Variants in GBF1 observed in about 807,000 individuals in gnomAD.
GBF1 encodes golgi brefeldin A resistant guanine nucleotide exchange factor 1.
A neutral mutation model predicts 210.5 loss-of-function variants in GBF1; 114 were observed. The observed-to-expected ratio is 0.54, with a 90% CI of 0.47 to 0.63. The LOEUF (loss-of-function observed/expected upper bound fraction) is 0.63, where lower values mean the gene tolerates loss of function less well. Among genes scored for constraint, GBF1 ranks in the 30% least tolerant of loss-of-function variants. The pLI, the probability that GBF1 is intolerant of heterozygous loss-of-function variation, is 0.00. For synonymous variants in GBF1, 850 were observed against 889.2 expected, an observed-to-expected ratio of 0.96 and a Z score of 0.78; for missense variants, 1,851 against 2,357.7, an observed-to-expected ratio of 0.79 and a Z score of 4.45.
intron 3 of GBF1, among the ~76,000 whole-genome samples, chr10:102,328,664 A>C (rs2057093746): frequency 6.6e-6 from 1 of 152,200 alleles, no homozygotes; most frequent in South Asian, 2.1e-4. Flanking sequence ...AAGGTTACTT[A>C]TCAGTCCTGT....
chr10:102,363,252 C>A lies in GBF1; in HGVS notation c.1877-4C>A, dbSNP rs768534465. 2 of 1,609,696 alleles carry A rather than the reference C, an allele frequency of 1.2e-6. No individual in the cohort carries two copies. Among genetic ancestry groups the A allele is most frequent in the Admixed American group, 1.7e-5 (1 of 59,752 alleles). ...TCTTCACGTATCTTCTTCTCTCTTACCAGCTGAGAGAACTGCCAGCGATGG... is the reference window on the plus strand; with the variant it reads ...TCTTCACGTATCTTCTTCTCTCTTAACAGCTGAGAGAACTGCCAGCGATGG... On this transcript the variant is annotated splice_region_variant and splice_polypyrimidine_tract_variant and intron_variant, in intron 15 of 39. Coordinates refer to ENST00000369983, the MANE Select transcript of GBF1 (RefSeq NM_001377137.1). This position sits in a 1 kb window ranked among gnomAD's most constrained non-coding sequence, Gnocchi z 4.2.
intron 1 of GBF1, among the ~76,000 whole-genome samples, chr10:102,250,964 A>G (rs1262135579): frequency 6.6e-6 from 1 of 151,286 alleles, no homozygotes; most frequent in African/African-American, 2.4e-5. Flanking sequence ...TCTCAAAACA[A>G]ACAACCAAAC....
At chr10:102,340,041 C>T (rs548747790) in intron 3 of GBF1, among the ~76,000 whole-genome samples, 11 of 150,760 alleles carry the variant, frequency 7.3e-5, no homozygotes, top group African/African-American at 2.7e-4. Flanking sequence ...GCAGCCTCTA[C>T]CTCCTGGGTT....
chr10:102,374,696 TACAC>T (rs911986170), intron 29 of GBF1, among the ~76,000 whole-genome samples: 19 of 152,158 alleles, frequency 1.2e-4, no homozygotes, highest in African/African-American at 3.9e-4. Flanking sequence ...TAGAAATTAA[TACAC>T]ACAAAAATGC....
intron 26 of GBF1, 27 bp downstream of exon 26, chr10:102,370,011 A>G (rs2060117839): frequency 2.5e-6 from 4 of 1,613,254 alleles, no homozygotes; most frequent in Non-Finnish European, 3.4e-6. Context: ...CCCTGGTGAG[A>G]AAGCCTAAAC....
intron 33 of GBF1, among the ~76,000 whole-genome samples, chr10:102,378,217 C>CAA (rs147480488): frequency 1.1e-5 from 1 of 88,220 alleles, no homozygotes; most frequent in Non-Finnish European, 2.4e-5. Context: ...GACTCCATCT[C>CAA]AAAAAAAAAA....
At chr10:102,361,254 A>T in intron 13 of GBF1, 134 bp downstream of exon 13, 1 of 648,586 alleles carries the variant, frequency 1.5e-6, no homozygotes, top group Non-Finnish European at 2.8e-6. Context: ...TTTAGCCTCC[A>T]GAGTTCGGTT....
intron 3 of GBF1, among the ~76,000 whole-genome samples, chr10:102,273,578 G>T (rs1470549892): frequency 6.6e-6 from 1 of 152,130 alleles, no homozygotes; most frequent in Non-Finnish European, 1.5e-5. Context: ...TATTTCATGG[G>T]CAAGGAGTCA....
rs753458775 is a variant in GBF1 at position 102,382,069 on chromosome 10, C to T, written c.5316C>T (p.Pro1772=). Residue 1772 remains proline, a synonymous_variant, in exon 40 of 40, where the codon CCC becomes CCT. Transcript: ENST00000369983. ...CTTTCCCTACAGACTTTGAGAAGCC[C>T]GAGAGCCCCCGAGCCGCCAGCAGCA... ...SELGACDFEK[P]ESPRAASSSS... is the part of the protein sequence containing the mutation. The T allele has an allele frequency of 3.6e-5, 56 of 1,546,980 alleles. No homozygotes were observed. The highest frequency in any genetic ancestry group is 3.2e-4 in the East Asian group (14 of 44,226).
intron 3 of GBF1, among the ~76,000 whole-genome samples, chr10:102,320,653 G>T (rs992819895): frequency 6.6e-6 from 1 of 151,992 alleles, no homozygotes; most frequent in Non-Finnish European, 1.5e-5. Flanking sequence ...CTTTTCTTCT[G>T]CTAAGAATCT....
In GBF1 at chr10:102,363,447, G is replaced by A. The variant is rs1304696888; in HGVS notation, c.2017+51G>A. The A allele has an allele frequency of 1.9e-6, 3 of 1,543,344 alleles. No homozygotes were observed. The highest frequency in any genetic ancestry group is 2.3e-5 in the East Asian group (1 of 44,330). ...AAGCTCCTCACCTGGAGGGCCTGGT[G>A]AAGAGCAGAGGGAGGGAGCAGACAC... On this transcript the variant is annotated intron_variant, in intron 16 of 39. Coordinates refer to ENST00000369983, the MANE Select transcript of GBF1 (RefSeq NM_001377137.1). This position sits in a 1 kb window ranked among gnomAD's most constrained non-coding sequence, Gnocchi z 4.2.
At chr10:102,267,485 C>T (rs964236789) in intron 3 of GBF1, among the ~76,000 whole-genome samples, 2 of 150,980 alleles carry the variant, frequency 1.3e-5, no homozygotes, top group Non-Finnish European at 3.0e-5. Context: ...GCCTGGGTGG[C>T]AGATCAAGAC....
intron 23 of GBF1, 131 bp from the exon 24 acceptor site, chr10:102,369,080 C>T: frequency 1.4e-6 from 1 of 726,728 alleles, no homozygotes; most frequent in Non-Finnish European, 2.4e-6. Context: ...AACCCACTCC[C>T]ACCAGTATTA....
In GBF1 at chr10:102,370,838, G is replaced by A. The variant is rs776641967; in HGVS notation, c.3638G>A (p.Arg1213Gln). ...CTACGCCTGGCCATTCGGCTTCTCC[G>A]GAGAGAAGAGATCAGTGCTCAGGTA... ...GLLRLAIRLL[R>Q]REEISAQVLL... The change falls in exon 29 of 40, where the codon CGG becomes CAG. Residue 1213 changes from arginine to glutamine, a missense_variant. Arg to Gln is a conservative substitution (Grantham distance 43). This residue lies in a region of GBF1 where 967 missense variants were observed against 1,247.7 expected (regional missense o/e 0.78). Coordinates refer to ENST00000369983, the MANE Select transcript of GBF1 (RefSeq NM_001377137.1). The A allele has an allele frequency of 2.0e-5, 32 of 1,613,972 alleles. No individual in the cohort carries two copies. The highest frequency in any genetic ancestry group is 9.3e-5 in the African/African-American group (7 of 74,928).
intron 4 of GBF1, among the ~76,000 whole-genome samples, chr10:102,347,467 C>G (rs1045711467): frequency 6.6e-6 from 1 of 152,146 alleles, no homozygotes; most frequent in Non-Finnish European, 1.5e-5. Context: ...CCTTTTCCCT[C>G]TGCTGTCTTG....
At position 102,375,465 on chromosome 10, in the gene GBF1, C is replaced by T; in HGVS notation, c.3767C>T (p.Ala1256Val). The T allele has an allele frequency of 4.3e-6, 7 of 1,613,322 alleles. No individual in the cohort carries two copies. Among genetic ancestry groups the T allele is most frequent in the Non-Finnish European group, 5.1e-6 (6 of 1,179,228 alleles). ...CATGAACTCCTGAAGACCAATGCAG[C>T]CAACATCCACTCAGGTGATGACTGG... ...GLHELLKTNA[A>V]NIHSGDDWAT... The change falls in exon 30 of 40, where the codon GCC (alanine) becomes GTC (valine). Residue 1256 changes from alanine to valine, a missense_variant. Physicochemically the swap from Ala to Val is moderately conservative, Grantham distance 64. Transcript: ENST00000369983.
At chr10:102,266,180 A>G (rs956858160) in intron 3 of GBF1, among the ~76,000 whole-genome samples, 3 of 151,964 alleles carry the variant, frequency 2.0e-5, no homozygotes, top group Non-Finnish European at 4.4e-5. Flanking sequence ...CGCAGCTTGC[A>G]GTGAGCCGAG....
In GBF1 at chr10:102,353,600, G is replaced by C; in HGVS notation, c.585G>C (p.Arg195Ser). ...AGTTGATGGATTTTCTATCTTATAG[G>C]TTACCTCAGTTTAAAGAAGAACCCA... ...LVDMVQLLFT[R>S]LPQFKEEPKN... The change falls in exon 8 of 40, where the codon AGG becomes AGC. Residue 195 changes from arginine to serine, a missense_variant and splice_region_variant. By Grantham distance (110) the Arg-to-Ser change is moderately radical (BLOSUM62 -1). Transcript: ENST00000369983. 6.3e-7 allele frequency: 1 copy of C among 1,596,930 alleles called. No homozygotes were observed. The highest frequency in any genetic ancestry group is 8.6e-7 in the Non-Finnish European group (1 of 1,164,440).
chr10:102,360,279 G>A lies in GBF1; in HGVS notation c.1276G>A (p.Val426Ile), dbSNP rs779474592. ...TNPHDRHNSE[V>I]MIHMGLHLLT... is the part of the protein sequence containing the mutation. The stretch of plus-strand genomic sequence containing the variant: ...TCCACACGACCGCCATAACTCAGAG[G>A]TTATGATTCACATGGGACTGCATTT... The change falls in exon 12 of 40, where the codon GTT becomes ATT. Residue 426 changes from valine (V) to isoleucine (I), a missense_variant. By Grantham distance (29) the Val-to-Ile change is conservative (BLOSUM62 3). Coordinates refer to ENST00000369983, the MANE Select transcript of GBF1 (RefSeq NM_001377137.1). The A allele has an allele frequency of 6.8e-6, 11 of 1,613,750 alleles. No individual in the cohort carries two copies. The highest frequency in any genetic ancestry group is 1.3e-5 in the African/African-American group (1 of 74,900).
Sources: allele counts gnomAD v4.1 joint callset (sites outside exome capture counted in the v4.1 genomes callset), GRCh38; gene constraint gnomAD v4.1.1; regional missense constraint gnomAD v4.1.1; non-coding constraint Gnocchi (gnomAD v3.1); transcripts MANE v1.5; gene names NCBI Gene and HGNC (gene_info 2026-07-23, HGNC 2026-07-21).